The following ALDH1A2 variants were observed in gnomAD, a reference collection of about 807,000 sequenced individuals.
The protein encoded by ALDH1A2 is retinal dehydrogenase 2.
In ALDH1A2, 27 loss-of-function variants were observed where a neutral mutation model predicts 60.3. That is an observed-to-expected ratio of 0.45 (90% CI 0.33 to 0.62). ALDH1A2 has a LOEUF of 0.62. ALDH1A2 is among the 20% of genes least tolerant of loss of function. The pLI, the probability that ALDH1A2 is intolerant of heterozygous loss-of-function variation, is 0.02. For missense variants in ALDH1A2, 581 were observed against 643.8 expected, an observed-to-expected ratio of 0.90 and a Z score of 1.06; for synonymous variants, 289 against 232.4, an observed-to-expected ratio of 1.24 and a Z score of -2.21.
chr15:57,975,079 ATGTAAAG>A (rs1203770428), intron 7 of ALDH1A2, among the ~76,000 whole-genome samples: 2 of 152,236 alleles, frequency 1.3e-5, no homozygotes, highest in East Asian at 3.8e-4. Flanking sequence ...GTTGGTGGGG[ATGTAAAG>A]GAGTTCAAAG....
At chr15:57,968,323 A>G (rs1266965090) in intron 7 of ALDH1A2, among the ~76,000 whole-genome samples, 3 of 152,202 alleles carry the variant, frequency 2.0e-5, no homozygotes, top group African/African-American at 7.2e-5. Flanking sequence ...GTTTTATCTC[A>G]TTTTAGAGAT....
At chr15:58,035,688 GTTCT>G (rs373309482) in intron 1 of ALDH1A2, among the ~76,000 whole-genome samples, 19 of 151,758 alleles carry the variant, frequency 1.3e-4, no homozygotes, top group African/African-American at 3.9e-4. Context: ...TCAGAAGTGT[GTTCT>G]TTAATTTCCA....
chr15:57,980,985 G>C (rs1356289652), intron 7 of ALDH1A2, among the ~76,000 whole-genome samples: 2 of 152,116 alleles, frequency 1.3e-5, no homozygotes, highest in Non-Finnish European at 2.9e-5. Flanking sequence ...GGTCTGTTCA[G>C]GGATTCAACT....
At chr15:57,956,063 C>T (rs1275399438) in intron 12 of ALDH1A2, among the ~76,000 whole-genome samples, 1 of 152,182 alleles carries the variant, frequency 6.6e-6, no homozygotes, top group African/African-American at 2.4e-5. Flanking sequence ...ACTTATCACA[C>T]TGGGAGGACA....
intron 1 of ALDH1A2, among the ~76,000 whole-genome samples, chr15:58,046,788 T>A (rs1162124950): frequency 6.6e-6 from 1 of 152,046 alleles, no homozygotes; most frequent in Non-Finnish European, 1.5e-5. Flanking sequence ...CCCCACATCT[T>A]AACAGCACTT....
chr15:58,055,440 A>G (rs868108152), intron 1 of ALDH1A2, among the ~76,000 whole-genome samples: 11 of 152,110 alleles, frequency 7.2e-5, no homozygotes, highest in Non-Finnish European at 1.5e-4. Flanking sequence ...ACCATGATAA[A>G]TAAGAGTTTA....
intron 4 of ALDH1A2, among the ~76,000 whole-genome samples, chr15:58,005,763 A>G (rs1895429135): frequency 6.6e-6 from 1 of 151,868 alleles, no homozygotes; most frequent in Non-Finnish European, 1.5e-5. Flanking sequence ...CTGTGTTACT[A>G]TCTCTGACAC....
intron 7 of ALDH1A2, 86 bp downstream of exon 7, chr15:57,992,619 C>A (rs1894932362): frequency 5.6e-6 from 7 of 1,251,538 alleles, no homozygotes; most frequent in Admixed American, 5.2e-5. Flanking sequence ...TGGTGTCTAG[C>A]CTATGGGTAC....
At chr15:57,997,030 C>T (rs1895086979) in intron 4 of ALDH1A2, among the ~76,000 whole-genome samples, 1 of 152,112 alleles carries the variant, frequency 6.6e-6, no homozygotes, top group South Asian at 2.1e-4. Flanking sequence ...CAATCTGCTA[C>T]TTATCTCTTG....
chr15:57,967,898 A>AAAC (rs1274535714), intron 7 of ALDH1A2, among the ~76,000 whole-genome samples: 3 of 152,178 alleles, frequency 2.0e-5, no homozygotes, highest in Non-Finnish European at 4.4e-5. Flanking sequence ...TCTGAGAAGA[A>AAAC]AACAGGCAAA....
intron 12 of ALDH1A2, among the ~76,000 whole-genome samples, chr15:57,960,252 CAATATTTGTT>C (rs1462065645): frequency 6.6e-6 from 1 of 152,134 alleles, no homozygotes; most frequent in Non-Finnish European, 1.5e-5. Flanking sequence ...TATTTATGCT[CAATATTTGTT>C]AGATTGTGAA....
intron 1 of ALDH1A2, among the ~76,000 whole-genome samples, chr15:58,033,093 T>C (rs943691467): frequency 2.4e-4 from 36 of 152,060 alleles, no homozygotes; most frequent in African/African-American, 8.2e-4. Flanking sequence ...AATAAATTCA[T>C]TGTTTGATAG....
chr15:58,041,819 C>G (rs1014317577), intron 1 of ALDH1A2, among the ~76,000 whole-genome samples: 2 of 151,938 alleles, frequency 1.3e-5, no homozygotes, highest in Admixed American at 1.3e-4. Flanking sequence ...TATAGTAATA[C>G]ATACTATGTT....
At chr15:57,972,609 A>C (rs1341887664) in intron 7 of ALDH1A2, among the ~76,000 whole-genome samples, 2 of 152,182 alleles carry the variant, frequency 1.3e-5, no homozygotes, top group African/African-American at 4.8e-5. Context: ...TAGAGAATAA[A>C]TCATGGAATC....
intron 1 of ALDH1A2, among the ~76,000 whole-genome samples, chr15:58,049,415 G>A (rs1896717739): frequency 1.3e-5 from 2 of 152,090 alleles, no homozygotes; most frequent in Non-Finnish European, 2.9e-5. Context: ...GATTAAATAA[G>A]ATATTGGATT....
intron 7 of ALDH1A2, among the ~76,000 whole-genome samples, chr15:57,973,041 C>G (rs566256647): frequency 6.6e-6 from 1 of 152,296 alleles, no homozygotes; most frequent in African/African-American, 2.4e-5. Context: ...GATAATACAG[C>G]TGTTAGCTAC....
intron 4 of ALDH1A2, among the ~76,000 whole-genome samples, chr15:58,006,438 C>T (rs190479522): frequency 1.5e-3 from 225 of 152,054 alleles, no homozygotes; most frequent in Non-Finnish European, 1.2e-3. Context: ...AGGTTGGTAC[C>T]ATATTTTTGC....
intron 12 of ALDH1A2, among the ~76,000 whole-genome samples, chr15:57,959,419 A>T (rs562656509): frequency 6.6e-6 from 1 of 152,316 alleles, no homozygotes; most frequent in Non-Finnish European, 1.5e-5. Flanking sequence ...TATGACCCAG[A>T]TTGGTTATAG....
chr15:58,063,141 T>C (rs1408736183), intron 1 of ALDH1A2, among the ~76,000 whole-genome samples: 2 of 152,208 alleles, frequency 1.3e-5, no homozygotes, highest in African/African-American at 2.4e-5. Context: ...TCATTTATTT[T>C]AAGTAGTGAC....
Sources: allele counts gnomAD v4.1 joint callset (sites outside exome capture counted in the v4.1 genomes callset), GRCh38; gene constraint gnomAD v4.1.1; transcripts MANE v1.5; gene names NCBI Gene and HGNC (gene_info 2026-07-23, HGNC 2026-07-21).